SRGAP3: variants seen among roughly 807,000 people sequenced by gnomAD.
The protein encoded by SRGAP3 is SLIT-ROBO Rho GTPase-activating protein 3.
A neutral mutation model predicts 121.1 loss-of-function variants in SRGAP3; 39 were observed. That is an observed-to-expected ratio of 0.32 (90% CI 0.25 to 0.42). The LOEUF is 0.42. Ranked by LOEUF, SRGAP3 falls within the 10% of genes least tolerant of loss-of-function variation. The pLI is 1.00. For missense variants in SRGAP3, 1,213 were observed against 1,470.6 expected, an observed-to-expected ratio of 0.82 and a Z score of 2.86; for synonymous variants, 601 against 570.0, an observed-to-expected ratio of 1.05 and a Z score of -0.77.
At chr3:9,344,416 C>A (rs1955847216) in intron 1 of SRGAP3, among the ~76,000 whole-genome samples, 1 of 152,072 alleles carries the variant, frequency 6.6e-6, no homozygotes, top group East Asian at 1.9e-4. Flanking sequence ...GATCGTGCCA[C>A]CGGACTCTAG....
Position 9,217,798 on chromosome 3 carries a change from A to G in SRGAP3, c.67+31087T>C, listed in dbSNP as rs2664099. The G allele has an allele frequency of 0.43, 65,559 of 151,904 alleles. 15,117 individuals carry two copies. The highest frequency in any genetic ancestry group is 0.59 in the African/African-American group (24,279 of 41,384). 9.4% of individuals were successfully genotyped at this position (151,904 alleles called of 1,614,324 possible). A position where few individuals can be genotyped will look rare whatever the true frequency, so the allele number is the denominator to read the frequency against. ...GGGCAGACAACTTCATTGTGACAGA[A>G]TGAGACCTGTGGCCTTTGGACCTCG... On this transcript the variant is annotated intron_variant, in intron 1 of 21. Transcript: ENST00000383836.
intron 10 of SRGAP3, among the ~76,000 whole-genome samples, chr3:9,044,244 T>C (rs762293218): frequency 6.6e-6 from 1 of 152,236 alleles, no homozygotes; most frequent in Non-Finnish European, 1.5e-5. Context: ...GTGGGGAATA[T>C]GTTCCAAGAC....
chr3:9,267,135 G>C (rs926831276), intron 3 of SRGAP3, among the ~76,000 whole-genome samples: 1 of 152,130 alleles, frequency 6.6e-6, no homozygotes, highest in Non-Finnish European at 1.5e-5. Context: ...CATTCAGTCT[G>C]GTCTTGTTTC....
chr3:9,015,602 G>C lies in SRGAP3; in HGVS notation c.1808C>G (p.Thr603Ser). Residue 603 changes from threonine (T) to serine (S), a missense_variant, in exon 15 of 22, where the codon ACT becomes AGT. By Grantham distance (58) the Thr-to-Ser change is moderately conservative. This residue lies in a region of SRGAP3 where 793 missense variants were observed against 1,032.9 expected (regional missense o/e 0.77). Transcript: ENST00000383836. ...PKERFQDLIS[T>S]IKLENPAERV... ...TTCACCTGGGAAATACTTACTAATA[G>C]TAGATATCAAATCTTGAAACCTTTC... The C allele has an allele frequency of 6.2e-7, 1 of 1,614,096 alleles. No homozygotes were observed. The highest frequency in any genetic ancestry group is 1.7e-5 in the Admixed American group (1 of 60,030).
At chr3:9,329,099 T>C (rs774230497) in intron 2 of SRGAP3, among the ~76,000 whole-genome samples, 3 of 152,210 alleles carry the variant, frequency 2.0e-5, no homozygotes, top group Non-Finnish European at 4.4e-5. Flanking sequence ...CCCCACGTTT[T>C]ATCCTAAGGT....
chr3:9,123,411 C>T lies in SRGAP3; in HGVS notation c.260+1314G>A, dbSNP rs74961964. Among the ~76,000 whole-genome samples the T allele has an allele frequency of 1.6e-3, 33 of 21,246 alleles. 2 individuals carry two copies. Among genetic ancestry groups the T allele is most frequent in the African/African-American group, 3.3e-3 (30 of 9,014 alleles). 13.9% of individuals were successfully genotyped at this position (21,246 alleles called of 152,430 possible). A position where few individuals can be genotyped will look rare whatever the true frequency, so the allele number is the denominator to read the frequency against. The stretch of plus-strand genomic sequence containing the variant: ...TATACATACACAATACACATACATA[C>T]ACATACATGGAGAGGCCGGGTATGG... On this transcript the variant is annotated intron_variant, in intron 2 of 21. Coordinates refer to ENST00000383836, the MANE Select transcript of SRGAP3 (RefSeq NM_014850.4).
intron 18 of SRGAP3, chr3:9,008,170 C>T (rs1368910352): frequency 6.6e-6 from 1 of 152,354 alleles, no homozygotes; most frequent in Admixed American, 6.5e-5. Context: ...CACTGTGAAC[C>T]TTTACCCTGA....
At chr3:9,279,876 A>C (rs371772035) in intron 3 of SRGAP3, among the ~76,000 whole-genome samples, 18 of 152,300 alleles carry the variant, frequency 1.2e-4, no homozygotes, top group Middle Eastern at 6.8e-3. Context: ...GGCAGACCCC[A>C]CAATGGACAC....
At chr3:9,117,163 A>G (rs1440362279) in intron 2 of SRGAP3, among the ~76,000 whole-genome samples, 1 of 152,228 alleles carries the variant, frequency 6.6e-6, no homozygotes, top group Non-Finnish European at 1.5e-5. Flanking sequence ...GCCCTACTGG[A>G]GGGCTTTCTC....
intron 3 of SRGAP3, among the ~76,000 whole-genome samples, chr3:9,267,763 T>C (rs1254210590): frequency 6.6e-6 from 1 of 152,182 alleles, no homozygotes; most frequent in Non-Finnish European, 1.5e-5. Flanking sequence ...CTCCATATGC[T>C]GTCTGGACAA....
intron 1 of SRGAP3, among the ~76,000 whole-genome samples, chr3:9,242,383 C>T (rs1164448585): frequency 6.6e-6 from 1 of 152,168 alleles, no homozygotes; most frequent in Non-Finnish European, 1.5e-5. Context: ...GCCTGAAATC[C>T]CAGCATTTTG....
intron 1 of SRGAP3, among the ~76,000 whole-genome samples, chr3:9,175,830 T>C (rs763145474): frequency 6.6e-6 from 1 of 152,218 alleles, no homozygotes; most frequent in Non-Finnish European, 1.5e-5. Context: ...GCAAAGGTGA[T>C]TTCCCACCTC....
chr3:9,215,414 T>A (rs1952583987), intron 1 of SRGAP3, among the ~76,000 whole-genome samples: 1 of 152,156 alleles, frequency 6.6e-6, no homozygotes, highest in African/African-American at 2.4e-5. Context: ...AAGCTTGGTA[T>A]TTGAACACAG....
intron 1 of SRGAP3, among the ~76,000 whole-genome samples, chr3:9,204,950 T>C (rs1209040131): frequency 2.0e-5 from 3 of 152,244 alleles, no homozygotes; most frequent in Non-Finnish European, 4.4e-5. Flanking sequence ...CCTATTCTAC[T>C]CTTGGCTTGT....
chr3:9,350,125 T>A (rs1193885614), intron 1 of SRGAP3: 1 of 152,088 alleles, frequency 6.6e-6, no homozygotes, highest in East Asian at 1.9e-4. Context: ...TGAGTTGCCA[T>A]AGGTTATATT....
chr3:9,059,044 C>T (rs1371473546), intron 6 of SRGAP3: 2 of 156,228 alleles, frequency 1.3e-5, no homozygotes, highest in Non-Finnish European at 2.8e-5. Flanking sequence ...TGCATCCCCT[C>T]TGCCTGGAAT....
At chr3:9,275,555 G>A (rs1954555873) in intron 3 of SRGAP3, among the ~76,000 whole-genome samples, 1 of 152,176 alleles carries the variant, frequency 6.6e-6, no homozygotes, top group African/African-American at 2.4e-5. Context: ...GAGGGATGTG[G>A]TGGGAGATAA....
intron 3 of SRGAP3, among the ~76,000 whole-genome samples, chr3:9,090,860 C>A (rs180938006): frequency 0.014 from 2,119 of 152,230 alleles, 17 homozygotes; most frequent in Middle Eastern, 0.031. Context: ...TGGTCTTGAA[C>A]TCCTGACCTC....
At chr3:9,252,506 T>C (rs887463461), upstream of SRGAP3, among the ~76,000 whole-genome samples, 1 of 151,842 alleles carries the variant, frequency 6.6e-6, no homozygotes, top group Non-Finnish European at 1.5e-5. Context: ...AAGCCAGACC[T>C]AGGACTAGAG....
Sources: allele counts gnomAD v4.1 joint callset (sites outside exome capture counted in the v4.1 genomes callset), GRCh38; gene constraint gnomAD v4.1.1; regional missense constraint gnomAD v4.1.1; transcripts MANE v1.5; gene names NCBI Gene and HGNC (gene_info 2026-07-23, HGNC 2026-07-21).